Variants in ADCY9 observed in about 807,000 individuals in gnomAD.
ADCY9 encodes the protein adenylate cyclase 9, also known as adenylate cyclase type 9.
A neutral mutation model predicts 101.5 loss-of-function variants in ADCY9; 50 were observed. The observed-to-expected ratio is 0.49, with a 90% CI of 0.39 to 0.62. The LOEUF (loss-of-function observed/expected upper bound fraction) is 0.62, where lower values mean the gene tolerates loss of function less well. Among genes scored for constraint, ADCY9 ranks in the 20% least tolerant of loss-of-function variants. The pLI is 0.00. For synonymous variants in ADCY9, 905 were observed against 769.3 expected (o/e 1.18, Z -2.92); for missense variants, 1,662 against 1,800.4 (o/e 0.92, Z 1.39).
At chr16:4,041,795 A>T (rs1254257332) in intron 2 of ADCY9, among the ~76,000 whole-genome samples, 1 of 148,056 alleles carries the variant, frequency 6.8e-6, no homozygotes, top group Non-Finnish European at 1.5e-5. Context: ...CGTGTTGCCC[A>T]TGCTGGAGTA....
chr16:4,093,438 T>C (rs1390891634), intron 2 of ADCY9, among the ~76,000 whole-genome samples: 1 of 152,238 alleles, frequency 6.6e-6, no homozygotes, highest in African/African-American at 2.4e-5. Flanking sequence ...TAATTCAGTA[T>C]TAAATCTCAT....
At chr16:4,030,034 C>T (rs2056544420) in intron 2 of ADCY9, among the ~76,000 whole-genome samples, 2 of 152,180 alleles carry the variant, frequency 1.3e-5, no homozygotes, top group Admixed American at 6.5e-5. Flanking sequence ...TCATACTCTG[C>T]TGACGGGTAT....
chr16:3,999,887 G>A (rs1034053213), intron 3 of ADCY9, among the ~76,000 whole-genome samples: 3 of 152,140 alleles, frequency 2.0e-5, no homozygotes, highest in African/African-American at 4.8e-5. Flanking sequence ...CTATAAAATC[G>A]TTTTTTCTTC....
intron 8 of ADCY9, 73 bp from the exon 9 acceptor site, chr16:3,977,703 C>A: frequency 6.6e-7 from 1 of 1,524,082 alleles, no homozygotes; most frequent in Admixed American, 2.1e-5. Flanking sequence ...GCCGCCAAAA[C>A]ATTCGCCACT....
chr16:4,071,812 G>GT (rs71133685), intron 2 of ADCY9, among the ~76,000 whole-genome samples: 26,146 of 151,594 alleles, frequency 0.17, 2,436 homozygotes, highest in African/African-American at 0.25. Flanking sequence ...CGAATTCTGG[G>GT]TTTTTTTGTT....
intron 2 of ADCY9, among the ~76,000 whole-genome samples, chr16:4,050,937 G>T (rs1384872957): frequency 2.6e-5 from 4 of 152,122 alleles, no homozygotes; most frequent in Non-Finnish European, 5.9e-5. Flanking sequence ...ATGTGGCCGG[G>T]AGCAGTGGCT....
intron 2 of ADCY9, among the ~76,000 whole-genome samples, chr16:4,027,588 T>A (rs548382800): frequency 9.3e-4 from 142 of 152,124 alleles, no homozygotes; most frequent in Middle Eastern, 6.8e-3. Context: ...TATAAAACCA[T>A]CAGATCAACT....
intron 2 of ADCY9, among the ~76,000 whole-genome samples, chr16:4,111,965 A>G (rs546727484): frequency 1.3e-4 from 20 of 152,324 alleles, no homozygotes; most frequent in Admixed American, 3.9e-4. Context: ...AACATATTTA[A>G]TAATTACACC....
In ADCY9 at chr16:4,116,402, C is replaced by T. The variant is rs918996046; in HGVS notation, c.-756G>A. ...CGCTGCCTCATGTCGGAAGAGCTGC[C>T]GCCGCCACCATCTCCGGCCCCTGCC... is the stretch of plus-strand genomic sequence containing the variant. On this transcript the variant is annotated 5_prime_UTR_variant, in exon 1 of 11. Coordinates refer to ENST00000294016, the MANE Select transcript of ADCY9 (RefSeq NM_001116.4). 1.4e-5 allele frequency among the ~76,000 whole-genome samples: 2 copies of T among 146,170 alleles called. No homozygotes were observed. The highest frequency in any genetic ancestry group is 4.9e-5 in the African/African-American group (2 of 40,780).
At chr16:4,056,622 T>C (rs2141155605) in intron 2 of ADCY9, among the ~76,000 whole-genome samples, 1 of 152,228 alleles carries the variant, frequency 6.6e-6, no homozygotes, top group South Asian at 2.1e-4. Flanking sequence ...AGAAGCAGAA[T>C]TCTAACCTCA....
At chr16:4,000,704 T>A (rs941770618) in intron 3 of ADCY9, among the ~76,000 whole-genome samples, 1 of 152,034 alleles carries the variant, frequency 6.6e-6, no homozygotes, top group Non-Finnish European at 1.5e-5. Context: ...GAAAAGTCCC[T>A]GGACCTCTCA....
At chr16:4,039,090 C>G (rs1450859102) in intron 2 of ADCY9, among the ~76,000 whole-genome samples, 1 of 152,178 alleles carries the variant, frequency 6.6e-6, no homozygotes, top group Non-Finnish European at 1.5e-5. Flanking sequence ...CACAGTTAAC[C>G]CGCACCAGTC....
At position 3,983,728 on chromosome 16, in the gene ADCY9, C is replaced by T. The variant is rs112967453; in HGVS notation, c.2311-288G>A. 2,975 of 437,962 alleles carry T rather than the reference C, an allele frequency of 6.8e-3. 44 individuals are homozygous for T. The highest frequency in any genetic ancestry group is 0.042 in the African/African-American group (2,134 of 50,658). 27.1% of individuals were successfully genotyped at this position (437,962 alleles called of 1,614,324 possible). A position where few individuals can be genotyped will look rare whatever the true frequency, so the allele number is the denominator to read the frequency against. ...AGGGTCGCTGGAGCCCAGGAGTTCC[C>T]GGCCAGCGTAACACAGTGAGACTCC... On this transcript the variant is annotated intron_variant, in intron 6 of 10. Coordinates refer to ENST00000294016, the MANE Select transcript of ADCY9 (RefSeq NM_001116.4).
At chr16:4,078,103 C>T (rs912944082) in intron 2 of ADCY9, among the ~76,000 whole-genome samples, 1 of 152,074 alleles carries the variant, frequency 6.6e-6, no homozygotes, top group African/African-American at 2.4e-5. Context: ...GTTAAACACA[C>T]TCATCATACA....
At chr16:4,087,985 G>T (rs575086946) in intron 2 of ADCY9, among the ~76,000 whole-genome samples, 1 of 150,474 alleles carries the variant, frequency 6.6e-6, no homozygotes, top group Admixed American at 6.6e-5. Context: ...ACCCAGGCTG[G>T]TGTGCAGCAG....
chr16:4,006,465 T>C (rs1284258108), intron 3 of ADCY9, among the ~76,000 whole-genome samples: 1 of 152,196 alleles, frequency 6.6e-6, no homozygotes, highest in Non-Finnish European at 1.5e-5. Flanking sequence ...TGCCACATAA[T>C]GAAGACTGTT....
At chr16:4,041,135 T>G (rs543747145) in intron 2 of ADCY9, among the ~76,000 whole-genome samples, 127 of 152,278 alleles carry the variant, frequency 8.3e-4, no homozygotes, top group African/African-American at 2.9e-3. Flanking sequence ...AATGGCATAT[T>G]CTAGAAATAG....
chr16:4,071,666 C>A (rs971114507), intron 2 of ADCY9, among the ~76,000 whole-genome samples: 1 of 152,134 alleles, frequency 6.6e-6, no homozygotes, highest in Non-Finnish European at 1.5e-5. Context: ...TATCTGCCTA[C>A]AATTTGGGCT....
intron 2 of ADCY9, among the ~76,000 whole-genome samples, chr16:4,018,879 A>T (rs1028960992): frequency 1.3e-5 from 2 of 151,118 alleles, no homozygotes; most frequent in Non-Finnish European, 2.9e-5. Context: ...CTTCAGCAGC[A>T]CTGGTGGCTG....
Sources: allele counts gnomAD v4.1 joint callset (sites outside exome capture counted in the v4.1 genomes callset), GRCh38; gene constraint gnomAD v4.1.1; transcripts MANE v1.5; gene names NCBI Gene and HGNC (gene_info 2026-07-23, HGNC 2026-07-21).